Variants in COL23A1 observed in about 807,000 individuals in gnomAD.
COL23A1 encodes collagen alpha-1(XXIII) chain.
COL23A1 carries 97 observed loss-of-function variants against 99.3 expected under a neutral mutation model. That is an observed-to-expected ratio of 0.98 (90% CI 0.83 to 1.16). COL23A1 has a LOEUF of 1.16. COL23A1 is among the 50% of genes most tolerant of loss of function. The pLI, the probability that COL23A1 is intolerant of heterozygous loss-of-function variation, is 0.00. For synonymous variants in COL23A1, 320 were observed against 308.2 expected (o/e 1.04, Z -0.40); for missense variants, 762 against 757.4 (o/e 1.01, Z -0.07).
intron 2 of COL23A1, among the ~76,000 whole-genome samples, chr5:178,533,528 C>T (rs1471304221): frequency 2.0e-5 from 3 of 152,166 alleles, no homozygotes; most frequent in East Asian, 1.9e-4. Flanking sequence ...GACACGGTCT[C>T]GCTCTGTCAT....
intron 2 of COL23A1, among the ~76,000 whole-genome samples, chr5:178,478,580 A>C (rs1427089541): frequency 6.6e-6 from 1 of 152,212 alleles, no homozygotes; most frequent in African/African-American, 2.4e-5. Flanking sequence ...GGCTCCCCTG[A>C]AATGGGTCCC....
chr5:178,539,545 C>CAAAAAAAAAAAAAAAAAAAAAA (rs58424731), intron 2 of COL23A1, among the ~76,000 whole-genome samples: 1 of 78,386 alleles, frequency 1.3e-5, no homozygotes, highest in Admixed American at 1.8e-4. Flanking sequence ...GACTCTGTCT[C>CAAAAAAAAAAAAAAAAAAAAAA]AAAAAAAAAA....
intron 1 of COL23A1, among the ~76,000 whole-genome samples, chr5:178,571,389 A>T (rs115953278): frequency 0.025 from 3,851 of 152,122 alleles, 86 homozygotes; most frequent in Middle Eastern, 0.17. Context: ...AATAAATAAA[A>T]AATAAAATAC....
rs187350906 is a variant in COL23A1 at position 178,449,720 on chromosome 5, C to T, written c.361+110962G>A. On this transcript the variant is annotated intron_variant, in intron 2 of 28. Coordinates refer to ENST00000390654, the MANE Select transcript of COL23A1 (RefSeq NM_173465.4). ...TCCTAATTAGAGAAGTGGCCCGAGA[C>T]ACAGCAGAGCTTTTGTTGTCTGGTC... Among the ~76,000 whole-genome samples the T allele has an allele frequency of 7.2e-5, 11 of 152,066 alleles. No individual in the cohort carries two copies. In the East Asian group the frequency reaches 1.7e-3, roughly 24 times the overall value.
intron 2 of COL23A1, among the ~76,000 whole-genome samples, chr5:178,321,621 C>T (rs1759318433): frequency 6.6e-6 from 1 of 150,998 alleles, no homozygotes; most frequent in African/African-American, 2.4e-5. Flanking sequence ...TCCCGAGTAG[C>T]TGGGACTACA....
At position 178,254,948 on chromosome 5, in the gene COL23A1, C is replaced by T; in HGVS notation, c.960+1G>A. 1 of 1,612,026 alleles carries T rather than the reference C, an allele frequency of 6.2e-7. No individual in the cohort carries two copies. The highest frequency in any genetic ancestry group is 8.5e-7 in the Non-Finnish European group (1 of 1,178,684). On this transcript the variant is annotated splice_donor_variant, in intron 16 of 28. Transcript: ENST00000390654. LOFTEE classifies it high-confidence loss of function. ...CATCCTGGTCCCACCAGGAACACTA[C>T]CTTGAGGGCATCCAAGATCCTGCCA...
rs550080874 is a variant in COL23A1 at position 178,548,882 on chromosome 5, T to A, written c.361+11800A>T. Among the ~76,000 whole-genome samples the A allele has an allele frequency of 2.0e-5, 3 of 152,338 alleles. 1 individual carries two copies. The South Asian group carries it at 6.2e-4, about 32-fold the overall frequency. On this transcript the variant is annotated intron_variant, in intron 2 of 28. Coordinates refer to ENST00000390654, the MANE Select transcript of COL23A1 (RefSeq NM_173465.4). ...AAACTTAAATAAAAATAAATGTCTA[T>A]CAGCAGCAGACGAGATGAATAGTAG...
At chr5:178,247,691 G>C (rs1024571086) in intron 21 of COL23A1, 84 bp downstream of exon 21, 1 of 1,547,346 alleles carries the variant, frequency 6.5e-7, no homozygotes, top group Non-Finnish European at 8.9e-7. Context: ...GCTCTCTCCT[G>C]GGTCATGGCT....
chr5:178,486,332 C>T (rs1477724074), intron 2 of COL23A1, among the ~76,000 whole-genome samples: 1 of 152,142 alleles, frequency 6.6e-6, no homozygotes, highest in East Asian at 1.9e-4. Flanking sequence ...TTTTCTTAGC[C>T]CAGGGAGGCT....
intron 2 of COL23A1, among the ~76,000 whole-genome samples, chr5:178,392,731 T>C (rs1764032992): frequency 6.6e-6 from 1 of 152,182 alleles, no homozygotes; most frequent in African/African-American, 2.4e-5. Flanking sequence ...GCAAATGTAA[T>C]AGTGAGACCC....
At chr5:178,300,618 T>C (rs1403204635) in intron 3 of COL23A1, among the ~76,000 whole-genome samples, 3 of 152,112 alleles carry the variant, frequency 2.0e-5, no homozygotes, top group African/African-American at 7.2e-5. Flanking sequence ...GGCATGATCT[T>C]GGCTCACTGT....
intron 2 of COL23A1, among the ~76,000 whole-genome samples, chr5:178,542,169 A>T (rs1581599726): frequency 6.6e-6 from 1 of 152,190 alleles, no homozygotes; most frequent in Non-Finnish European, 1.5e-5. Flanking sequence ...GACTACAGGC[A>T]CCTGCCACCA....
chr5:178,291,527 G>A (rs780138898), intron 3 of COL23A1, among the ~76,000 whole-genome samples: 4 of 152,186 alleles, frequency 2.6e-5, no homozygotes, highest in Admixed American at 6.5e-5. Context: ...GGGCTTTTGA[G>A]GATCCAGGAG....
chr5:178,543,848 C>T lies in COL23A1; in HGVS notation c.361+16834G>A, dbSNP rs184746475. 6.8e-4 allele frequency among the ~76,000 whole-genome samples: 103 copies of T among 152,278 alleles called. No individual in the cohort carries two copies. In the Middle Eastern group the frequency reaches 0.01, roughly 15 times the overall value. On this transcript the variant is annotated intron_variant, in intron 2 of 28. Transcript: ENST00000390654. ...AGACTGGGTGGCCTACAAACAAGGACAATGTATTGCTCACAGTTCTGGAGG... is the reference window on the plus strand; with the variant it reads ...AGACTGGGTGGCCTACAAACAAGGATAATGTATTGCTCACAGTTCTGGAGG...
At chr5:178,256,222 T>C in intron 15 of COL23A1, 131 bp downstream of exon 15, 1 of 591,290 alleles carries the variant, frequency 1.7e-6, no homozygotes, top group Non-Finnish European at 2.7e-6. Flanking sequence ...TAAATGAGTT[T>C]AAAAAGTAAA....
At chr5:178,370,211 G>A (rs1386128923) in intron 2 of COL23A1, among the ~76,000 whole-genome samples, 1 of 152,254 alleles carries the variant, frequency 6.6e-6, no homozygotes, top group Admixed American at 6.5e-5. Flanking sequence ...AGAGCATGCT[G>A]GGGAGAGTGC....
In COL23A1 at chr5:178,283,437, A is replaced by G. The variant is rs546172302; in HGVS notation, c.441+4887T>C. Among the ~76,000 whole-genome samples the G allele has an allele frequency of 6.6e-5, 10 of 152,252 alleles. No individual in the cohort carries two copies. The South Asian group carries it at 2.1e-3, about 32-fold the overall frequency. On this transcript the variant is annotated intron_variant, in intron 5 of 28. Coordinates refer to ENST00000390654, the MANE Select transcript of COL23A1 (RefSeq NM_173465.4). The stretch of plus-strand genomic sequence containing the variant: ...CCCCCAAGATCTCTGCAGCTTTTTC[A>G]TCATTTAAATCTCACTTCAATGTTA...
intron 1 of COL23A1, among the ~76,000 whole-genome samples, chr5:178,582,025 G>T (rs571334288): frequency 2.0e-4 from 31 of 151,986 alleles, no homozygotes; most frequent in Non-Finnish European, 4.4e-4. Context: ...GACATAGCTT[G>T]GTTATTTAAA....
At chr5:178,296,284 C>T (rs1025765606) in intron 3 of COL23A1, among the ~76,000 whole-genome samples, 4 of 152,194 alleles carry the variant, frequency 2.6e-5, no homozygotes, top group Admixed American at 6.5e-5. Flanking sequence ...GAGTCAACAT[C>T]GCTCCCTCAC....
Sources: allele counts gnomAD v4.1 joint callset (sites outside exome capture counted in the v4.1 genomes callset), GRCh38; gene constraint gnomAD v4.1.1; transcripts MANE v1.5; gene names NCBI Gene and HGNC (gene_info 2026-07-23, HGNC 2026-07-21).